RBFOX1: variants seen among roughly 807,000 people sequenced by gnomAD.
The protein encoded by RBFOX1 is RNA binding protein fox-1 homolog 1.
Under a neutral mutation model 57.7 loss-of-function variants are expected in RBFOX1, and 8 were observed. That is an observed-to-expected ratio of 0.14 (90% CI 0.08 to 0.25). The LOEUF (loss-of-function observed/expected upper bound fraction) is 0.25, where lower values mean the gene tolerates loss of function less well. RBFOX1 is among the 10% of genes least tolerant of loss of function. The probability of loss-of-function intolerance (pLI) is 1.00; values close to 1 mark genes in which losing one functional copy is unlikely to be tolerated. For synonymous variants in RBFOX1, 326 were observed against 222.4 expected, an observed-to-expected ratio of 1.47 and a Z score of -4.15; for missense variants, 611 against 548.5, an observed-to-expected ratio of 1.11 and a Z score of -1.14.
At chr16:6,161,559 C>G (rs139028664) in intron 1 of RBFOX1, among the ~76,000 whole-genome samples, 3 of 152,242 alleles carry the variant, frequency 2.0e-5, no homozygotes, top group Non-Finnish European at 2.9e-5. Context: ...AACATAAACA[C>G]TCAGGAAATA....
At chr16:5,563,704 A>G (rs2045966864) in intron 2 of RBFOX1, among the ~76,000 whole-genome samples, 1 of 152,192 alleles carries the variant, frequency 6.6e-6, no homozygotes, top group Admixed American at 6.5e-5. Flanking sequence ...ATGATATACA[A>G]TTCCTCCATT....
At chr16:6,250,145 C>T (rs1598809038) in intron 1 of RBFOX1, among the ~76,000 whole-genome samples, 1 of 152,280 alleles carries the variant, frequency 6.6e-6, no homozygotes, top group Non-Finnish European at 1.5e-5. Flanking sequence ...CTTACCTAAC[C>T]ACCTTCATCT....
intron 3 of RBFOX1, among the ~76,000 whole-genome samples, chr16:6,828,552 A>T (rs773203935): frequency 6.6e-6 from 1 of 151,930 alleles, no homozygotes. Context: ...TAGCAGTTTC[A>T]TATGACTAGA....
At chr16:6,752,292 A>G (rs1362247483) in intron 3 of RBFOX1, among the ~76,000 whole-genome samples, 4 of 152,168 alleles carry the variant, frequency 2.6e-5, no homozygotes, top group African/African-American at 9.7e-5. Context: ...TGCAATTTGG[A>G]TGTACTCCAG....
chr16:5,911,355 G>A (rs975231584), intron 4 of RBFOX1, among the ~76,000 whole-genome samples: 1 of 152,166 alleles, frequency 6.6e-6, no homozygotes, highest in Non-Finnish European at 1.5e-5. Flanking sequence ...TGAAGTTCCT[G>A]TTCCCCTTAT....
At chr16:7,489,732 G>C (rs12596476) in intron 4 of RBFOX1, among the ~76,000 whole-genome samples, 24,944 of 151,110 alleles carry the variant, frequency 0.17, 2,877 homozygotes, top group East Asian at 0.41. Context: ...TGTTGTTCCG[G>C]CTGATCTTCA....
intron 4 of RBFOX1, among the ~76,000 whole-genome samples, chr16:7,258,566 G>A (rs1603451500): frequency 1.3e-5 from 2 of 152,094 alleles, no homozygotes; most frequent in Non-Finnish European, 2.9e-5. Flanking sequence ...TGGCACATCT[G>A]TAATTTACTC....
At chr16:7,706,219 C>T (rs3785191) in intron 14 of RBFOX1, among the ~76,000 whole-genome samples, 38,927 of 152,132 alleles carry the variant, frequency 0.26, 5,287 homozygotes, top group East Asian at 0.48. Flanking sequence ...AGCCTCCTTG[C>T]TTTCAGTTTG....
At chr16:6,882,873 C>G (rs138616969) in intron 3 of RBFOX1, among the ~76,000 whole-genome samples, 14 of 152,232 alleles carry the variant, frequency 9.2e-5, no homozygotes, top group African/African-American at 3.4e-4. Flanking sequence ...CAACCATCTT[C>G]CTGCTCTGTT....
chr16:7,660,464 T>A (rs1022826017), intron 12 of RBFOX1, among the ~76,000 whole-genome samples: 1 of 152,246 alleles, frequency 6.6e-6, no homozygotes, highest in Admixed American at 6.5e-5. Context: ...TTTCCCTGCA[T>A]ATCTTATATT....
Position 5,749,915 on chromosome 16 carries a change from G to C in RBFOX1, c.319-117388G>C, listed in dbSNP as rs145054307. Reference sequence around the variant, plus strand: ...TTTTTTCCATTGCTGGTGAGGAGCTGCGTTCCTTTAGAGGGGGAGAGGTAC... The same window carrying C: ...TTTTTTCCATTGCTGGTGAGGAGCTCCGTTCCTTTAGAGGGGGAGAGGTAC... On this transcript the variant is annotated intron_variant, in intron 3 of 19. Transcript: ENST00000641259. Among the ~76,000 whole-genome samples the C allele has an allele frequency of 1.1e-4, 16 of 152,328 alleles. No individual in the cohort carries two copies. In the East Asian group the frequency reaches 3.1e-3, roughly 29 times the overall value.
chr16:6,012,322 T>A (rs1319091369), intron 4 of RBFOX1, among the ~76,000 whole-genome samples: 2 of 152,220 alleles, frequency 1.3e-5, no homozygotes, highest in Non-Finnish European at 2.9e-5. Flanking sequence ...TGTATGCTAA[T>A]TGCTATTCAT....
chr16:5,914,435 C>G (rs571726134), intron 4 of RBFOX1, among the ~76,000 whole-genome samples: 8 of 152,126 alleles, frequency 5.3e-5, no homozygotes, highest in African/African-American at 1.9e-4. Flanking sequence ...AGAGAATCCC[C>G]TTCCAAGTTC....
At chr16:7,543,349 G>A (rs1402277017) in intron 5 of RBFOX1, among the ~76,000 whole-genome samples, 1 of 152,188 alleles carries the variant, frequency 6.6e-6, no homozygotes, top group Non-Finnish European at 1.5e-5. Flanking sequence ...AGATATTTGA[G>A]ATCTGATAGA....
chr16:6,968,465 C>T (rs750802140), intron 3 of RBFOX1, among the ~76,000 whole-genome samples: 4 of 152,108 alleles, frequency 2.6e-5, no homozygotes, highest in African/African-American at 4.8e-5. Flanking sequence ...CTATCCGGAC[C>T]GAAAAACTGA....
intron 4 of RBFOX1, among the ~76,000 whole-genome samples, chr16:5,957,922 G>A (rs1362991112): frequency 6.6e-6 from 1 of 152,054 alleles, no homozygotes. Flanking sequence ...CCTTCTTTCT[G>A]TTACTGTACC....
intron 1 of RBFOX1, among the ~76,000 whole-genome samples, chr16:5,242,120 AAGAG>A (rs146029127): frequency 0.01 from 1,545 of 150,552 alleles, 28 homozygotes; most frequent in African/African-American, 0.036. Flanking sequence ...TTTCAAGGAA[AAGAG>A]AGAGAGAGAG....
At chr16:6,306,447 G>A (rs1359694375) in intron 1 of RBFOX1, among the ~76,000 whole-genome samples, 2 of 152,222 alleles carry the variant, frequency 1.3e-5, no homozygotes, top group East Asian at 1.9e-4. Context: ...GCAGAGATTA[G>A]CACTTCTTTT....
chr16:5,903,362 C>T (rs1246288555), intron 4 of RBFOX1, among the ~76,000 whole-genome samples: 1 of 152,144 alleles, frequency 6.6e-6, no homozygotes, highest in African/African-American at 2.4e-5. Flanking sequence ...CGTGACTATG[C>T]CTATTCTTCC....
Sources: gnomAD v4.1 joint callset for allele counts (sites outside exome capture counted in the v4.1 genomes callset) on GRCh38, gnomAD v4.1.1 for gene constraint, MANE v1.5 for transcripts, NCBI Gene and HGNC (gene_info 2026-07-23, HGNC 2026-07-21) for gene names.